The following NEDD4 variants were observed in gnomAD, a reference collection of about 807,000 sequenced individuals.
The protein encoded by NEDD4 is E3 ubiquitin-protein ligase NEDD4.
In NEDD4, 99 loss-of-function variants were observed where a neutral mutation model predicts 144.9. That is an observed-to-expected ratio of 0.68 (90% CI 0.58 to 0.81). The LOEUF is 0.81. Among genes scored for constraint, NEDD4 ranks in the 30% least tolerant of loss-of-function variants. The pLI is 0.00. For synonymous variants in NEDD4, 318 were observed against 350.6 expected (o/e 0.91, Z 1.04); for missense variants, 985 against 1,065.9 (o/e 0.92, Z 1.06).
intron 28 of NEDD4, 85 bp from the exon 29 acceptor site, chr15:55,830,084 G>A (rs2032874940): frequency 2.2e-6 from 2 of 925,772 alleles, no homozygotes; most frequent in East Asian, 2.5e-5. Flanking sequence ...TGCTATTCTT[G>A]ATGAGAATGT....
At chr15:55,957,934 A>G (rs2037364658) in intron 2 of NEDD4, among the ~76,000 whole-genome samples, 3 of 152,138 alleles carry the variant, frequency 2.0e-5, no homozygotes, top group South Asian at 2.1e-4. Flanking sequence ...ACACCTGGAC[A>G]CAGGGTGGGG....
intron 7 of NEDD4, among the ~76,000 whole-genome samples, chr15:55,870,524 T>G (rs1425106953): frequency 1.4e-5 from 1 of 69,364 alleles, no homozygotes; most frequent in Non-Finnish European, 2.9e-5. Context: ...CTTCTTCTTC[T>G]TCTTCTTTTT....
At chr15:55,921,393 C>T (rs1370540960) in intron 5 of NEDD4, among the ~76,000 whole-genome samples, 1 of 151,856 alleles carries the variant, frequency 6.6e-6, no homozygotes, top group Non-Finnish European at 1.5e-5. Context: ...GGTGTGATCT[C>T]AGCTCACTGC....
intron 5 of NEDD4, among the ~76,000 whole-genome samples, chr15:55,877,197 T>C (rs1172472589): frequency 6.6e-6 from 1 of 152,234 alleles, no homozygotes; most frequent in African/African-American, 2.4e-5. Context: ...TGCCTAATTT[T>C]AGTCCAGGGT....
At chr15:55,880,268 G>A (rs1447567252) in intron 5 of NEDD4, among the ~76,000 whole-genome samples, 1 of 151,790 alleles carries the variant, frequency 6.6e-6, no homozygotes, top group African/African-American at 2.4e-5. Context: ...CGCTAGTCTG[G>A]GTGACGGAGT....
At chr15:55,916,205 G>A in intron 5 of NEDD4, 1 of 1,614,006 alleles carries the variant, frequency 6.2e-7, no homozygotes, top group Non-Finnish European at 8.5e-7. Flanking sequence ...TGGAGGTGCT[G>A]TCAGAAGGTA....
chr15:55,982,237 T>C (rs1282071078), intron 1 of NEDD4, among the ~76,000 whole-genome samples: 1 of 152,168 alleles, frequency 6.6e-6, no homozygotes, highest in Non-Finnish European at 1.5e-5. Flanking sequence ...GTTAAACACA[T>C]ATAACCCTAT....
At chr15:55,989,721 T>C (rs985890016) in intron 1 of NEDD4, among the ~76,000 whole-genome samples, 5 of 152,178 alleles carry the variant, frequency 3.3e-5, no homozygotes, top group Admixed American at 3.3e-4. Context: ...TCATTCTAGA[T>C]GCTTTAAGAA....
intron 1 of NEDD4, among the ~76,000 whole-genome samples, chr15:55,968,870 G>A (rs144455175): frequency 2.8e-4 from 42 of 152,232 alleles, no homozygotes; most frequent in African/African-American, 8.2e-4. Context: ...AGGAGGAGGC[G>A]GAGCAAGATG....
At chr15:55,841,887 A>G (rs202142120) in intron 19 of NEDD4, 47 bp downstream of exon 19, 1 of 1,528,398 alleles carries the variant, frequency 6.5e-7, no homozygotes, top group African/African-American at 1.4e-5. Context: ...TACTTTTAAA[A>G]CAGTGATTTT....
At chr15:55,983,609 T>A (rs1438674483) in intron 1 of NEDD4, among the ~76,000 whole-genome samples, 1 of 142,044 alleles carries the variant, frequency 7.0e-6, no homozygotes, top group East Asian at 2.2e-4. Flanking sequence ...AATTTTTAGA[T>A]ATACTTTTTT....
intron 5 of NEDD4, among the ~76,000 whole-genome samples, chr15:55,897,632 T>G (rs977090748): frequency 1.6e-4 from 24 of 152,182 alleles, no homozygotes; most frequent in Admixed American, 1.4e-3. Flanking sequence ...AACCTGGCCT[T>G]ACATTTAGCT....
intron 14 of NEDD4, 128 bp from the exon 15 acceptor site, chr15:55,849,014 T>C: frequency 1.4e-6 from 1 of 708,856 alleles, no homozygotes; most frequent in Non-Finnish European, 2.4e-6. Context: ...ATTTATACTT[T>C]ATTTCCTAAA....
At chr15:55,944,736 G>T (rs1444274059) in intron 4 of NEDD4, among the ~76,000 whole-genome samples, 1 of 152,154 alleles carries the variant, frequency 6.6e-6, no homozygotes, top group Non-Finnish European at 1.5e-5. Context: ...TTCCCAGTAG[G>T]GGCCAACAGA....
chr15:55,961,376 A>C (rs746175321), intron 2 of NEDD4, among the ~76,000 whole-genome samples: 18 of 152,238 alleles, frequency 1.2e-4, no homozygotes, highest in Non-Finnish European at 1.8e-4. Flanking sequence ...ACCCTGTAGC[A>C]GAGGACCCAG....
At chr15:55,906,134 A>G (rs1408867316) in intron 5 of NEDD4, among the ~76,000 whole-genome samples, 1 of 152,190 alleles carries the variant, frequency 6.6e-6, no homozygotes, top group African/African-American at 2.4e-5. Flanking sequence ...AGGAAACAAC[A>G]GGTGCTGGAG....
chr15:55,972,086 A>T (rs533301526), intron 1 of NEDD4, among the ~76,000 whole-genome samples: 26 of 152,356 alleles, frequency 1.7e-4, no homozygotes, highest in African/African-American at 6.0e-4. Flanking sequence ...AAGCTGAGGG[A>T]TTTAATCAAC....
At chr15:55,836,852 T>TA (rs2033227356) in intron 24 of NEDD4, among the ~76,000 whole-genome samples, 1 of 151,470 alleles carries the variant, frequency 6.6e-6, no homozygotes, top group Non-Finnish European at 1.5e-5. Context: ...AGAGATAAGG[T>TA]CTCCCTATGT....
At chr15:55,975,055 G>T (rs564827354) in intron 1 of NEDD4, among the ~76,000 whole-genome samples, 1 of 151,652 alleles carries the variant, frequency 6.6e-6, no homozygotes, top group South Asian at 2.1e-4. Context: ...ACCACACCCG[G>T]GTAATTTTTG....
Sources: allele counts gnomAD v4.1 joint callset (sites outside exome capture counted in the v4.1 genomes callset), GRCh38; gene constraint gnomAD v4.1.1; transcripts MANE v1.5; gene names NCBI Gene and HGNC (gene_info 2026-07-23, HGNC 2026-07-21).